Variants in CATSPERB observed in about 807,000 individuals in gnomAD.
CATSPERB encodes the protein catsper channel auxiliary subunit beta.
CATSPERB carries 93 observed loss-of-function variants against 128.3 expected under a neutral mutation model. The ratio of observed to expected loss-of-function variants is 0.72; its 90% CI spans 0.61 to 0.86. The LOEUF is 0.86. Ranked by LOEUF, CATSPERB falls within the 40% of genes least tolerant of loss-of-function variation. The pLI is 0.00. For synonymous variants in CATSPERB, 381 were observed against 448.8 expected, an observed-to-expected ratio of 0.85 and a Z score of 1.91; for missense variants, 1,153 against 1,329.5, an observed-to-expected ratio of 0.87 and a Z score of 2.06.
chr14:91,703,811 C>T (rs1895691770), intron 7 of CATSPERB, among the ~76,000 whole-genome samples: 1 of 152,134 alleles, frequency 6.6e-6, no homozygotes, highest in Non-Finnish European at 1.5e-5. Context: ...AATAAACGTT[C>T]CCCTGAGTTC....
rs1227541043 is a variant in CATSPERB at position 91,581,204 on chromosome 14, G to A, written c.3133-97C>T. 9.5e-6 allele frequency: 9 copies of A among 948,256 alleles called. No individual in the cohort carries two copies. In the Admixed American group the frequency reaches 1.7e-4, roughly 18 times the overall value. The allele number at this position is 948,256 out of a possible 1,614,324, so 58.7% of individuals were successfully genotyped here. On this transcript the variant is annotated intron_variant, in intron 26 of 26. Coordinates refer to ENST00000256343, the MANE Select transcript of CATSPERB (RefSeq NM_024764.4). Reference sequence around the variant, plus strand: ...CCCACAATTAATCGGAGAGCAAAACGCTGCCCAGAGTTACAAAGACATTCA... The same window carrying A: ...CCCACAATTAATCGGAGAGCAAAACACTGCCCAGAGTTACAAAGACATTCA...
Position 91,604,406 on chromosome 14 carries a change from A to C in CATSPERB, c.2709+3888T>G, listed in dbSNP as rs1893662798. On this transcript the variant is annotated intron_variant, in intron 22 of 26. Coordinates refer to ENST00000256343, the MANE Select transcript of CATSPERB (RefSeq NM_024764.4). Reference sequence around the variant, plus strand: ...TAATGTCAATTGCACTCTTCTTCACACATCTTCAGGTTGCATGTTCGTGGA... The same window carrying C: ...TAATGTCAATTGCACTCTTCTTCACCCATCTTCAGGTTGCATGTTCGTGGA... 5.4e-6 allele frequency: 6 copies of C among 1,107,078 alleles called. No individual in the cohort carries two copies. The East Asian group carries it at 1.4e-4, about 26-fold the overall frequency. 68.6% of individuals were successfully genotyped at this position (1,107,078 alleles called of 1,614,324 possible).
Position 91,639,082 on chromosome 14 carries a change from C to A in CATSPERB, c.1587+14G>T. On this transcript the variant is annotated intron_variant, in intron 16 of 26. Coordinates refer to ENST00000256343, the MANE Select transcript of CATSPERB (RefSeq NM_024764.4). ...TAAAATAAGGCAAACTGTTTCAATG[C>A]ATTATATACTGACCTGTCCAAAAAG... 1 of 1,605,830 alleles carries A rather than the reference C, an allele frequency of 6.2e-7. No individual in the cohort carries two copies. The highest frequency in any genetic ancestry group is 1.1e-5 in the South Asian group (1 of 89,414).
intron 22 of CATSPERB, among the ~76,000 whole-genome samples, chr14:91,595,512 G>A (rs370168151): frequency 4.8e-4 from 73 of 152,144 alleles, no homozygotes; most frequent in Admixed American, 9.8e-4. Context: ...GATTTGTGCC[G>A]TCAAATATCT....
intron 15 of CATSPERB, among the ~76,000 whole-genome samples, chr14:91,650,471 A>T (rs1431021128): frequency 1.3e-5 from 2 of 152,196 alleles, no homozygotes; most frequent in African/African-American, 4.8e-5. Context: ...TCTTAGGTGA[A>T]ACTAATTTTT....
intron 5 of CATSPERB, among the ~76,000 whole-genome samples, chr14:91,716,257 A>C (rs145538454): frequency 3.3e-5 from 5 of 152,240 alleles, no homozygotes; most frequent in Non-Finnish European, 2.9e-5. Flanking sequence ...GCACAAAAAA[A>C]GATGCTCAAT....
intron 26 of CATSPERB, among the ~76,000 whole-genome samples, chr14:91,582,038 C>T (rs1893215046): frequency 6.6e-6 from 1 of 152,192 alleles, no homozygotes. Flanking sequence ...GCTATACATT[C>T]TCTAAAATTC....
chr14:91,704,937 T>G (rs1415561386), intron 6 of CATSPERB, among the ~76,000 whole-genome samples: 1 of 152,208 alleles, frequency 6.6e-6, no homozygotes, highest in African/African-American at 2.4e-5. Flanking sequence ...CAGAAGAGCA[T>G]GTGGAATGAG....
At chr14:91,583,051 T>A (rs1893233681) in intron 26 of CATSPERB, among the ~76,000 whole-genome samples, 1 of 152,156 alleles carries the variant, frequency 6.6e-6, no homozygotes, top group East Asian at 1.9e-4. Flanking sequence ...CTGTACCTGG[T>A]CTCTCCATCC....
chr14:91,640,465 A>G (rs1467999802), intron 15 of CATSPERB, among the ~76,000 whole-genome samples: 1 of 111,606 alleles, frequency 9.0e-6, no homozygotes, highest in Admixed American at 9.2e-5. Context: ...TCATTGTTCA[A>G]TTCCCACCTA....
intron 24 of CATSPERB, 90 bp from the exon 25 acceptor site, chr14:91,588,168 C>T: frequency 1.3e-6 from 1 of 758,022 alleles, no homozygotes; most frequent in Non-Finnish European, 2.2e-6. Flanking sequence ...TTTGCCATTA[C>T]TTTTAATTTA....
At chr14:91,727,854 A>G (rs1896143614) in intron 2 of CATSPERB, among the ~76,000 whole-genome samples, 2 of 152,146 alleles carry the variant, frequency 1.3e-5, no homozygotes, top group Admixed American at 6.5e-5. Context: ...TGCCACATAT[A>G]TTACTGTCTC....
rs1595150657 is a variant in CATSPERB at position 91,621,745 on chromosome 14, C to T, written c.2123G>A (p.Gly708Glu). 6.2e-7 allele frequency: 1 copy of T among 1,614,140 alleles called. No individual in the cohort carries two copies. Residue 708 changes from glycine (G) to glutamate (E), a missense_variant, in exon 19 of 27, where the codon GGA (glycine) becomes GAA (glutamate). Coordinates refer to ENST00000256343, the MANE Select transcript of CATSPERB (RefSeq NM_024764.4). ...TTTTGAATATATTTTCCATGTTCGT[C>T]CATTCCTTTGCCCAAAGTTGTATAA... is the stretch of plus-strand genomic sequence containing the variant. ...WFLYNFGQRN[G>E]RTWKIYSKPC...
At chr14:91,662,185 C>T (rs147304480) in intron 14 of CATSPERB, among the ~76,000 whole-genome samples, 143 of 152,070 alleles carry the variant, frequency 9.4e-4, no homozygotes, top group Non-Finnish European at 1.6e-3. Context: ...GTTACATATC[C>T]AATATCCTGA....
intron 17 of CATSPERB, among the ~76,000 whole-genome samples, chr14:91,632,865 G>A (rs1242443268): frequency 2.6e-5 from 4 of 151,970 alleles, no homozygotes; most frequent in Non-Finnish European, 5.9e-5. Flanking sequence ...AAAGGACACT[G>A]TGACCTACCT....
intron 4 of CATSPERB, among the ~76,000 whole-genome samples, chr14:91,720,771 A>G (rs541701495): frequency 1.9e-3 from 290 of 152,288 alleles, no homozygotes; most frequent in African/African-American, 6.7e-3. Context: ...TCAGACTAGC[A>G]AAAATAATCT....
Position 91,723,122 on chromosome 14 carries a change from G to T in CATSPERB, c.236C>A (p.Ser79Ter). The change falls in exon 4 of 27, where the codon TCA (serine) becomes TAA (stop). Residue 79 changes from serine to a stop codon, truncating the protein, a stop_gained. Transcript: ENST00000256343. LOFTEE classifies it high-confidence loss of function. Reference protein sequence around the residue: ...ASKAMLSVFTSGGLAPSLGIM... With the variant: ...ASKAMLSVFT ...TCCCAAGCTGGGAGCAAGTCCTCCT[G>T]ATGTGAACACACTTAGCATTGCTTT... 6.4e-7 allele frequency: 1 copy of T among 1,562,296 alleles called. No individual in the cohort carries two copies. Among genetic ancestry groups the T allele is most frequent in the Non-Finnish European group, 8.7e-7 (1 of 1,153,992 alleles).
chr14:91,624,260 T>C lies in CATSPERB; in HGVS notation c.1930+560A>G, dbSNP rs968150489. Among the ~76,000 whole-genome samples the C allele has an allele frequency of 2.0e-5, 3 of 152,152 alleles. No individual in the cohort carries two copies. The East Asian group carries it at 5.8e-4, about 29-fold the overall frequency. Reference sequence around the variant, plus strand: ...ACTTTGAGACGCTGAGGTGGGCAGATTGCCTGAGCTCAGGAGTTCGAGAGC... The same window carrying C: ...ACTTTGAGACGCTGAGGTGGGCAGACTGCCTGAGCTCAGGAGTTCGAGAGC... On this transcript the variant is annotated intron_variant, in intron 18 of 26. Coordinates refer to ENST00000256343, the MANE Select transcript of CATSPERB (RefSeq NM_024764.4).
At chr14:91,581,944 T>A (rs1343129696) in intron 26 of CATSPERB, among the ~76,000 whole-genome samples, 1 of 152,124 alleles carries the variant, frequency 6.6e-6, no homozygotes, top group East Asian at 1.9e-4. Flanking sequence ...ACAGGCTGCT[T>A]TAAGGTCTAG....
Sources: gnomAD v4.1 joint callset for allele counts (sites outside exome capture counted in the v4.1 genomes callset) on GRCh38, gnomAD v4.1.1 for gene constraint, MANE v1.5 for transcripts, NCBI Gene and HGNC (gene_info 2026-07-23, HGNC 2026-07-21) for gene names.